The following RHBDL2 variants were observed in gnomAD, a reference collection of about 807,000 sequenced individuals.
RHBDL2 encodes rhomboid-related protein 2.
A neutral mutation model predicts 31.7 loss-of-function variants in RHBDL2; 26 were observed. The observed-to-expected ratio is 0.82, with a 90% CI of 0.60 to 1.14. RHBDL2 has a LOEUF of 1.14. Ranked by LOEUF, RHBDL2 falls within the 50% of genes most tolerant of loss-of-function variation. The pLI is 0.00. For missense variants in RHBDL2, 336 were observed against 364.4 expected, an observed-to-expected ratio of 0.92 and a Z score of 0.63; for synonymous variants, 123 against 127.2, an observed-to-expected ratio of 0.97 and a Z score of 0.22.
chr1:38,938,484 C>T (rs941940333), intron 1 of RHBDL2, among the ~76,000 whole-genome samples: 1 of 152,102 alleles, frequency 6.6e-6, no homozygotes, highest in African/African-American at 2.4e-5. Context: ...GCAGTTCCAG[C>T]TCCCACTCTC....
At chr1:38,934,003 C>G (rs1643465628) in intron 1 of RHBDL2, among the ~76,000 whole-genome samples, 1 of 152,056 alleles carries the variant, frequency 6.6e-6, no homozygotes, top group African/African-American at 2.4e-5. Context: ...GCTGGGATTA[C>G]AGGAGTTATC....
intron 3 of RHBDL2, among the ~76,000 whole-genome samples, 159 bp from the exon 4 acceptor site, chr1:38,911,593 TTC>T (rs1643142530): frequency 6.7e-6 from 1 of 148,336 alleles, no homozygotes; most frequent in Non-Finnish European, 1.5e-5. Flanking sequence ...TTTTTTCTTT[TTC>T]TTTTTTCTGT....
At chr1:38,899,705 G>A (rs1188575748) in intron 4 of RHBDL2, among the ~76,000 whole-genome samples, 2 of 152,222 alleles carry the variant, frequency 1.3e-5, no homozygotes, top group Non-Finnish European at 2.9e-5. Context: ...GTCCTGGGTG[G>A]AGTGATTGCC....
Position 38,902,201 on chromosome 1 carries a change from C to CTTTTTTTTTTTTTTTTTT in RHBDL2, c.509-6150_509-6133dup, listed in dbSNP as rs770169792. Among the ~76,000 whole-genome samples the CTTTTTTTTTTTTTTTTTT allele has an allele frequency of 4.2e-4, 39 of 92,820 alleles. 1 individual carries two copies. The highest frequency in any genetic ancestry group is 2.1e-3 in the South Asian group (5 of 2,348). 60.9% of individuals were successfully genotyped at this position (92,820 alleles called of 152,430 possible). A position where few individuals can be genotyped will look rare whatever the true frequency, so the allele number is the denominator to read the frequency against. On this transcript the variant is annotated intron_variant, in intron 4 of 7. Coordinates refer to ENST00000372990, the MANE Select transcript of RHBDL2 (RefSeq NM_017821.5). ...TTTTGTTTTCTTCTTTTTTCTTTTT[C>CTTTTTTTTTTTTTTTTTT]TTTTTTTTTTTTTTTTTTTTTTGAG...
intron 4 of RHBDL2, among the ~76,000 whole-genome samples, chr1:38,902,597 T>C (rs1251591356): frequency 1.7e-4 from 26 of 152,028 alleles, no homozygotes; most frequent in Admixed American, 1.5e-3. Context: ...TTTTTTTGTA[T>C]TTTTAATAGA....
In RHBDL2 at chr1:38,919,106, C is replaced by G. The variant is rs1643276858; in HGVS notation, c.107G>C (p.Gly36Ala). The change falls in exon 2 of 8, where the codon GGT becomes GCT. Residue 36 changes from glycine to alanine, a missense_variant. Physicochemically the swap from Gly to Ala is moderately conservative, Grantham distance 60. Transcript: ENST00000372990. ...CTTTTTACTCTTGGCCCGATCTTTACCTCCCCCATCCTCTCTCATTTTCTC... is the reference window on the plus strand; with the variant it reads ...CTTTTTACTCTTGGCCCGATCTTTAGCTCCCCCATCCTCTCTCATTTTCTC... ...EEEKMREDGG[G>A]KDRAKSKKVH... is the part of the protein sequence containing the mutation. 6.2e-7 allele frequency: 1 copy of G among 1,613,986 alleles called. No individual in the cohort carries two copies. Among genetic ancestry groups the G allele is most frequent in the East Asian group, 2.2e-5 (1 of 44,898 alleles).
intron 4 of RHBDL2, among the ~76,000 whole-genome samples, chr1:38,909,896 A>C (rs72925180): frequency 0.019 from 2,859 of 152,326 alleles, 102 homozygotes; most frequent in African/African-American, 0.065. Flanking sequence ...AAACATATAC[A>C]CAAGTGTTTG....
intron 1 of RHBDL2, among the ~76,000 whole-genome samples, chr1:38,925,463 G>A (rs557865405): frequency 7.2e-5 from 11 of 151,882 alleles, no homozygotes; most frequent in Non-Finnish European, 8.8e-5. Context: ...GTTGCAGTGA[G>A]CTGAGATTTT....
intron 4 of RHBDL2, among the ~76,000 whole-genome samples, chr1:38,900,721 G>A (rs1292275429): frequency 6.6e-6 from 1 of 151,562 alleles, no homozygotes; most frequent in East Asian, 1.9e-4. Flanking sequence ...GTGAGACTCT[G>A]TCTCAAAAAA....
chr1:38,893,974 T>C (rs544980487), intron 5 of RHBDL2, among the ~76,000 whole-genome samples: 1 of 152,360 alleles, frequency 6.6e-6, no homozygotes, highest in Non-Finnish European at 1.5e-5. Flanking sequence ...ATTTCTAATA[T>C]AATTTATTGA....
At chr1:38,928,439 G>C (rs1259569475) in intron 1 of RHBDL2, among the ~76,000 whole-genome samples, 114 of 33,266 alleles carry the variant, frequency 3.4e-3, no homozygotes, top group African/African-American at 0.019. Context: ...ACGGCGCCCG[G>C]CCATGTTTTG....
At chr1:38,910,857 C>T (rs1296839372) in intron 4 of RHBDL2, among the ~76,000 whole-genome samples, 2 of 150,270 alleles carry the variant, frequency 1.3e-5, no homozygotes, top group Admixed American at 1.3e-4. Flanking sequence ...TGGCTCACTG[C>T]AATCTCCGCC....
intron 4 of RHBDL2, among the ~76,000 whole-genome samples, chr1:38,901,698 T>A (rs1055517453): frequency 6.6e-6 from 1 of 151,364 alleles, no homozygotes; most frequent in African/African-American, 2.4e-5. Context: ...TAGCCGGGCA[T>A]GGTGGCACAT....
chr1:38,929,038 C>T (rs1236650701), intron 1 of RHBDL2, among the ~76,000 whole-genome samples: 1 of 152,216 alleles, frequency 6.6e-6, no homozygotes, highest in East Asian at 1.9e-4. Flanking sequence ...GCCACTTGCA[C>T]TCCAGCCTGG....
At chr1:38,912,910 A>ATATATATATATATATGTG (rs1399583863) in intron 3 of RHBDL2, among the ~76,000 whole-genome samples, 5 of 41,392 alleles carry the variant, frequency 1.2e-4, no homozygotes, top group African/African-American at 3.7e-4. Context: ...ATATATATAT[A>ATATATATATATATATGTG]TGTGTGTGTG....
chr1:38,929,619 G>C (rs564255436), intron 1 of RHBDL2: 2 of 1,255,348 alleles, frequency 1.6e-6, no homozygotes, highest in African/African-American at 3.1e-5. Context: ...CCTTGATGTG[G>C]CTGGGGAGCT....
intron 1 of RHBDL2, among the ~76,000 whole-genome samples, chr1:38,940,046 G>A (rs1036679849): frequency 2.0e-5 from 3 of 152,146 alleles, no homozygotes; most frequent in Admixed American, 1.3e-4. Flanking sequence ...TTTAGAGTCT[G>A]ACCTAGACTT....
intron 4 of RHBDL2, among the ~76,000 whole-genome samples, chr1:38,897,375 C>T (rs570144643): frequency 6.6e-6 from 1 of 152,286 alleles, no homozygotes; most frequent in South Asian, 2.1e-4. Flanking sequence ...GCTGGGATTA[C>T]AGGCGTGAGC....
In RHBDL2 at chr1:38,912,883, C is replaced by CATATAT. The variant is rs141150431; in HGVS notation, c.396-1455_396-1450dup. On this transcript the variant is annotated intron_variant, in intron 3 of 7. Coordinates refer to ENST00000372990, the MANE Select transcript of RHBDL2 (RefSeq NM_017821.5). The stretch of plus-strand genomic sequence containing the variant: ...AGGAAGCTAAGTAACTACCATATAC[C>CATATAT]ATATATATATATATATATATATATA... 7.3e-3 allele frequency among the ~76,000 whole-genome samples: 778 copies of CATATAT among 106,422 alleles called. 6 individuals carry two copies. The highest frequency in any genetic ancestry group is 0.017 in the African/African-American group (353 of 20,380). 69.8% of individuals were successfully genotyped at this position (106,422 alleles called of 152,430 possible).
Sources: gnomAD v4.1 joint callset for allele counts (sites outside exome capture counted in the v4.1 genomes callset) on GRCh38, gnomAD v4.1.1 for gene constraint, MANE v1.5 for transcripts, NCBI Gene and HGNC (gene_info 2026-07-23, HGNC 2026-07-21) for gene names.